Variants in BNC2 observed in about 807,000 individuals in gnomAD.
BNC2 encodes the protein basonuclin zinc finger protein 2, also known as zinc finger protein basonuclin-2.
Under a neutral mutation model 76.3 loss-of-function variants are expected in BNC2, and 20 were observed. That is an observed-to-expected ratio of 0.26 (90% CI 0.18 to 0.38). The LOEUF is 0.38. BNC2 is among the 10% of genes least tolerant of loss of function. The probability of loss-of-function intolerance (pLI) is 1.00; values close to 1 mark genes in which losing one functional copy is unlikely to be tolerated. For synonymous variants in BNC2, 582 were observed against 514.8 expected, an observed-to-expected ratio of 1.13 and a Z score of -1.77; for missense variants, 1,382 against 1,399.8, an observed-to-expected ratio of 0.99 and a Z score of 0.20.
At chr9:16,609,213 T>C (rs1277532535) in intron 3 of BNC2, among the ~76,000 whole-genome samples, 8 of 152,156 alleles carry the variant, frequency 5.3e-5, no homozygotes, top group Non-Finnish European at 8.8e-5. Context: ...ATGAAATCAT[T>C]ACTACAACAA....
At chr9:16,822,974 T>C (rs1443176680) in intron 1 of BNC2, among the ~76,000 whole-genome samples, 2 of 152,170 alleles carry the variant, frequency 1.3e-5, no homozygotes, top group African/African-American at 4.8e-5. Context: ...ATTGGTCAAG[T>C]AGTTTCAAGA....
intron 3 of BNC2, among the ~76,000 whole-genome samples, chr9:16,676,948 T>G (rs995535431): frequency 3.9e-5 from 6 of 152,206 alleles, no homozygotes; most frequent in African/African-American, 1.4e-4. Flanking sequence ...TTAAGAAAGA[T>G]AAAAAGAAAA....
intron 5 of BNC2, among the ~76,000 whole-genome samples, chr9:16,517,822 G>C: frequency 6.6e-6 from 1 of 152,000 alleles, no homozygotes; most frequent in East Asian, 1.9e-4. Flanking sequence ...CTAAAGCAGG[G>C]TGGACAAGTC....
At chr9:16,665,470 GAA>G (rs1167622473) in intron 3 of BNC2, among the ~76,000 whole-genome samples, 87 of 143,188 alleles carry the variant, frequency 6.1e-4, no homozygotes, top group African/African-American at 2.2e-3. Flanking sequence ...AAGAAAGAAA[GAA>G]AGAAAGAAAG....
At chr9:16,634,624 T>C (rs7031897) in intron 3 of BNC2, among the ~76,000 whole-genome samples, 151,849 of 151,936 alleles carry the variant, frequency 1, 75,881 homozygotes, top group Middle Eastern at 1. Context: ...GCCTCAGCCT[T>C]CCGAGTAGCT....
intron 5 of BNC2, among the ~76,000 whole-genome samples, chr9:16,514,418 T>C (rs7022729): frequency 0.035 from 5,392 of 152,134 alleles, 324 homozygotes; most frequent in African/African-American, 0.12. Flanking sequence ...AGCAGGGAGA[T>C]CAGAATGATG....
intron 1 of BNC2, among the ~76,000 whole-genome samples, chr9:16,808,500 T>TTTC: frequency 7.2e-6 from 1 of 138,442 alleles, no homozygotes; most frequent in Non-Finnish European, 1.5e-5. Flanking sequence ...TTTTTTTTTT[T>TTTC]TTTTTTGAGA....
intron 5 of BNC2, among the ~76,000 whole-genome samples, chr9:16,516,454 A>C (rs920182985): frequency 6.6e-6 from 1 of 152,160 alleles, no homozygotes; most frequent in African/African-American, 2.4e-5. Context: ...ATAACTCATG[A>C]GACCTTCTAT....
intron 3 of BNC2, among the ~76,000 whole-genome samples, chr9:16,597,968 T>C (rs1820139256): frequency 6.6e-6 from 1 of 152,154 alleles, no homozygotes; most frequent in Non-Finnish European, 1.5e-5. Context: ...AATCAGTAAT[T>C]TGTCTCTCAG....
chr9:16,699,281 G>A, intron 3 of BNC2: 1 of 459,936 alleles, frequency 2.2e-6, no homozygotes, highest in Admixed American at 2.5e-5. Flanking sequence ...GGGTTAGGAG[G>A]AGGAAGACAG....
chr9:16,548,597 G>T (rs1818561688), intron 5 of BNC2, among the ~76,000 whole-genome samples: 1 of 152,040 alleles, frequency 6.6e-6, no homozygotes, highest in Non-Finnish European at 1.5e-5. Context: ...TAGAGACAGG[G>T]TTTCACCATA....
intron 1 of BNC2, among the ~76,000 whole-genome samples, chr9:16,839,606 G>A (rs908281003): frequency 6.6e-6 from 1 of 152,120 alleles, no homozygotes; most frequent in African/African-American, 2.4e-5. Flanking sequence ...GCACTCTCTA[G>A]CTCTCGGACC....
chr9:16,433,125 CATTAT>C (rs1289097612), intron 6 of BNC2, among the ~76,000 whole-genome samples: 28 of 152,252 alleles, frequency 1.8e-4, no homozygotes, highest in African/African-American at 6.5e-4. Flanking sequence ...AAACTCATAA[CATTAT>C]ATTAATTCAA....
intron 3 of BNC2, among the ~76,000 whole-genome samples, chr9:16,648,836 G>A (rs1482892470): frequency 6.6e-6 from 1 of 152,154 alleles, no homozygotes; most frequent in Non-Finnish European, 1.5e-5. Flanking sequence ...ATTAGGAATA[G>A]TTTTTTAGCA....
rs115178111 is a variant in BNC2, at chr9:16,463,666, T to C, written c.670-26142A>G. On this transcript the variant is annotated intron_variant, in intron 5 of 6. Transcript: ENST00000380672. Reference sequence around the variant, plus strand: ...TCTCACCGCACTGACAAAAACAGAATTAAATTTCCATTTGTTGCAAATGAC... The same window carrying C: ...TCTCACCGCACTGACAAAAACAGAACTAAATTTCCATTTGTTGCAAATGAC... Among the ~76,000 whole-genome samples, 268 of 152,218 alleles carry C rather than the reference T, an allele frequency of 1.8e-3. 1 individual carries two copies. Among genetic ancestry groups the C allele is most frequent in the African/African-American group, 5.8e-3 (243 of 41,544 alleles).
intron 5 of BNC2, among the ~76,000 whole-genome samples, chr9:16,505,891 G>A (rs1429841427): frequency 6.6e-6 from 1 of 152,120 alleles, no homozygotes; most frequent in African/African-American, 2.4e-5. Flanking sequence ...GACAGTCACA[G>A]GTACACAAAG....
chr9:16,543,405 T>C (rs1292304360), intron 5 of BNC2, among the ~76,000 whole-genome samples: 3 of 152,204 alleles, frequency 2.0e-5, no homozygotes, highest in South Asian at 2.1e-4. Flanking sequence ...GGAGATCATA[T>C]GATTTAATCA....
intron 3 of BNC2, among the ~76,000 whole-genome samples, chr9:16,600,566 A>C (rs369222305): frequency 6.6e-6 from 1 of 152,206 alleles, no homozygotes; most frequent in South Asian, 2.1e-4. Flanking sequence ...AAGTTAAGGT[A>C]TACATGCTTC....
At chr9:16,710,265 C>G (rs1204394911) in intron 3 of BNC2, among the ~76,000 whole-genome samples, 2 of 152,146 alleles carry the variant, frequency 1.3e-5, no homozygotes, top group Non-Finnish European at 2.9e-5. Flanking sequence ...ATACTCAAGA[C>G]AGAAAACAAA....
Sources: allele counts gnomAD v4.1 joint callset (sites outside exome capture counted in the v4.1 genomes callset), GRCh38; gene constraint gnomAD v4.1.1; transcripts MANE v1.5; gene names NCBI Gene and HGNC (gene_info 2026-07-23, HGNC 2026-07-21).